Variants in NKAIN3 observed in about 807,000 individuals in gnomAD.
The protein encoded by NKAIN3 is sodium/potassium-transporting ATPase subunit beta-1-interacting protein 3.
A neutral mutation model predicts 30.2 loss-of-function variants in NKAIN3; 25 were observed. That is an observed-to-expected ratio of 0.83 (90% confidence interval 0.60 to 1.16). The LOEUF (loss-of-function observed/expected upper bound fraction) is 1.16. Among genes scored for constraint, NKAIN3 ranks in the 50% most tolerant of loss-of-function variants. The probability of loss-of-function intolerance (pLI) is 0.00; values close to 1 mark genes in which losing one functional copy is unlikely to be tolerated. For missense variants in NKAIN3, 225 were observed against 254.1 expected, an observed-to-expected ratio of 0.89 and a Z score of 0.78; for synonymous variants, 91 against 89.6, an observed-to-expected ratio of 1.02 and a Z score of -0.09.
At chr8:62,439,714 A>AT (rs1805269307) in intron 1 of NKAIN3, among the ~76,000 whole-genome samples, 1 of 152,204 alleles carries the variant, frequency 6.6e-6, no homozygotes, top group African/African-American at 2.4e-5. Context: ...GTTATCAAAG[A>AT]TGTTCTCTTT....
At chr8:62,781,385 A>C (rs1817349135) in intron 4 of NKAIN3, among the ~76,000 whole-genome samples, 1 of 151,284 alleles carries the variant, frequency 6.6e-6, no homozygotes. Flanking sequence ...AATCTTTATC[A>C]AATTGACAAT....
intron 1 of NKAIN3, among the ~76,000 whole-genome samples, chr8:62,271,094 A>G (rs967755798): frequency 6.6e-6 from 1 of 152,206 alleles, no homozygotes; most frequent in Non-Finnish European, 1.5e-5. Context: ...ACGTCTTTAC[A>G]GGCTGCTTTA....
chr8:62,957,835 G>A (rs994098572), intron 6 of NKAIN3, among the ~76,000 whole-genome samples: 8 of 152,272 alleles, frequency 5.3e-5, no homozygotes, highest in Admixed American at 3.3e-4. Context: ...AACACCAAGA[G>A]TGAATCCTAA....
In NKAIN3 at chr8:62,970,069, A is replaced by T. The variant is rs4739031; in HGVS notation, c.*4662A>T. Among the ~76,000 whole-genome samples, 11,654 of 150,016 alleles carry T rather than the reference A, an allele frequency of 0.078. 667 individuals carry two copies. The highest frequency in any genetic ancestry group is 0.28 in the East Asian group (1,416 of 4,986). On this transcript the variant is annotated 3_prime_UTR_variant, in exon 7 of 7. Coordinates refer to ENST00000623646, the MANE Select transcript of NKAIN3 (RefSeq NM_001304533.3). ...ATAAACAAAAAATACCTAAAAAAAAATTTAAATTAGCCAAGCATGGTGGCA... is the reference window on the plus strand; with the variant it reads ...ATAAACAAAAAATACCTAAAAAAAATTTTAAATTAGCCAAGCATGGTGGCA...
At chr8:62,770,427 T>G (rs1816975140) in intron 4 of NKAIN3, among the ~76,000 whole-genome samples, 1 of 152,194 alleles carries the variant, frequency 6.6e-6, no homozygotes, top group Non-Finnish European at 1.5e-5. Flanking sequence ...CAGTTCTAGA[T>G]GCTAGGAAAT....
intron 1 of NKAIN3, among the ~76,000 whole-genome samples, chr8:62,283,635 A>G (rs914067951): frequency 6.6e-6 from 1 of 152,144 alleles, no homozygotes; most frequent in Non-Finnish European, 1.5e-5. Flanking sequence ...ATTATCTTAT[A>G]TATTTCATCT....
At chr8:62,831,338 G>T in intron 4 of NKAIN3, among the ~76,000 whole-genome samples, 1 of 152,086 alleles carries the variant, frequency 6.6e-6, no homozygotes, top group East Asian at 1.9e-4. Flanking sequence ...ACCTGAATGT[G>T]GTGACACCAA....
chr8:62,407,483 C>T (rs1481749582), intron 1 of NKAIN3, among the ~76,000 whole-genome samples: 7 of 148,778 alleles, frequency 4.7e-5, no homozygotes, highest in African/African-American at 7.6e-5. Flanking sequence ...CTGCAACCTC[C>T]GCCTCCCGAG....
At chr8:62,571,920 G>T (rs181286959) in intron 1 of NKAIN3, among the ~76,000 whole-genome samples, 2 of 152,212 alleles carry the variant, frequency 1.3e-5, no homozygotes, top group African/African-American at 4.8e-5. Flanking sequence ...AGGCCTCCAG[G>T]CCTGTGATTG....
intron 3 of NKAIN3, among the ~76,000 whole-genome samples, chr8:62,664,232 T>G (rs1813029853): frequency 6.6e-6 from 1 of 152,042 alleles, no homozygotes; most frequent in Non-Finnish European, 1.5e-5. Flanking sequence ...CAGATCACTT[T>G]GATTAAGATG....
At chr8:62,844,497 T>A (rs960748937) in intron 4 of NKAIN3, among the ~76,000 whole-genome samples, 3 of 152,110 alleles carry the variant, frequency 2.0e-5, no homozygotes, top group African/African-American at 7.2e-5. Flanking sequence ...TACAACAAAA[T>A]GTGAAGTCAG....
intron 4 of NKAIN3, among the ~76,000 whole-genome samples, chr8:62,783,284 C>A (rs997175600): frequency 6.6e-6 from 1 of 152,098 alleles, no homozygotes; most frequent in East Asian, 1.9e-4. Flanking sequence ...TATAAAAGAG[C>A]CCCCAGAAGC....
chr8:62,248,876 A>G lies in NKAIN3; in HGVS notation c.-198A>G, dbSNP rs1222345173. The stretch of plus-strand genomic sequence containing the variant: ...CCCGCCAGACGCTCGGGTCGTGCGC[A>G]CCGCACTGACCTCGGCCCGCCCCGC... On this transcript the variant is annotated 5_prime_UTR_variant, in exon 1 of 7. Transcript: ENST00000623646. 1.9e-6 allele frequency: 1 copy of G among 537,004 alleles called. No homozygotes were observed. Among genetic ancestry groups the G allele is most frequent in the African/African-American group, 2.1e-5 (1 of 48,766 alleles). The allele number at this position is 537,004 out of a possible 1,614,324, so 33.3% of individuals were successfully genotyped here.
intron 4 of NKAIN3, among the ~76,000 whole-genome samples, chr8:62,875,146 T>A (rs1049100273): frequency 2.0e-5 from 3 of 152,116 alleles, no homozygotes; most frequent in Non-Finnish European, 4.4e-5. Context: ...ACAAAACTAA[T>A]GTGCAAAAAT....
chr8:62,910,167 T>C (rs1563623466), intron 4 of NKAIN3, among the ~76,000 whole-genome samples: 1 of 152,132 alleles, frequency 6.6e-6, no homozygotes, highest in African/African-American at 2.4e-5. Flanking sequence ...CCAGTTCTCT[T>C]TAGCACATAG....
chr8:62,292,093 G>A (rs1015413606), intron 1 of NKAIN3, among the ~76,000 whole-genome samples: 4 of 152,000 alleles, frequency 2.6e-5, no homozygotes, highest in South Asian at 4.2e-4. Flanking sequence ...TTGCTTGGTA[G>A]ATCTTCCTCC....
rs573953817 is a variant in NKAIN3, at chr8:62,607,693, C to T, written c.273+17899C>T. Among the ~76,000 whole-genome samples, 141 of 151,800 alleles carry T rather than the reference C, an allele frequency of 9.3e-4. 1 individual carries two copies. The highest frequency in any genetic ancestry group is 2.9e-3 in the African/African-American group (122 of 41,424). The stretch of plus-strand genomic sequence containing the variant: ...AGTCAGTAACAATCATTTTTTTTCA[C>T]ATTTGAATTTGTGAAAAGGTGAAAT... On this transcript the variant is annotated intron_variant, in intron 3 of 6. Coordinates refer to ENST00000623646, the MANE Select transcript of NKAIN3 (RefSeq NM_001304533.3).
At chr8:62,594,777 T>TTTCCTTCC (rs747649909) in intron 3 of NKAIN3, among the ~76,000 whole-genome samples, 1 of 151,778 alleles carries the variant, frequency 6.6e-6, no homozygotes, top group Non-Finnish European at 1.5e-5. Flanking sequence ...CTTTCTTTCT[T>TTTCCTTCC]TTCCTTCCTT....
chr8:62,358,001 G>T (rs1248482242), intron 1 of NKAIN3, among the ~76,000 whole-genome samples: 1 of 152,120 alleles, frequency 6.6e-6, no homozygotes, highest in Non-Finnish European at 1.5e-5. Context: ...TCAACACCAA[G>T]ATTGAAATTT....
Sources: gnomAD v4.1 joint callset for allele counts (sites outside exome capture counted in the v4.1 genomes callset) on GRCh38, gnomAD v4.1.1 for gene constraint, MANE v1.5 for transcripts, NCBI Gene and HGNC (gene_info 2026-07-23, HGNC 2026-07-21) for gene names.